DHRS13: variants seen among roughly 807,000 people sequenced by gnomAD.
The protein encoded by DHRS13 is dehydrogenase/reductase 13.
In DHRS13, 22 loss-of-function variants were observed where a neutral mutation model predicts 17.9. That is an observed-to-expected ratio of 1.23 (90% CI 0.88 to 1.75). DHRS13 has a LOEUF of 1.75. DHRS13 is among the 40% of genes most tolerant of loss of function. DHRS13 has a pLI of 0.00. For missense variants in DHRS13, 483 were observed against 519.9 expected (o/e 0.93, Z 0.69); for synonymous variants, 206 against 220.4 (o/e 0.93, Z 0.58).
Position 28,901,506 on chromosome 17 carries a change from G to A in DHRS13, c.357C>T (p.Leu119=), listed in dbSNP as rs1252140623. 1.9e-6 allele frequency: 3 copies of A among 1,614,120 alleles called. No homozygotes were observed. Among genetic ancestry groups the A allele is most frequent in the South Asian group, 1.1e-5 (1 of 91,080 alleles). Residue 119 remains leucine (L), a synonymous_variant, in exon 3 of 5, where the codon CTC becomes CTT. Coordinates refer to ENST00000378895, the MANE Select transcript of DHRS13 (RefSeq NM_144683.4). This position sits in a 1 kb window ranked among gnomAD's most constrained non-coding sequence, Gnocchi z 4.3. ...GCTGCCCCTCACCGGCATTGTGGAT[G>A]AGGATGTCCAACCGTGGCTCAGAGC... ...FLSSEPRLDI[L]IHNAGISSCG... is the part of the protein sequence containing the mutation.
At position 28,898,443 on chromosome 17, in the gene DHRS13, A is replaced by G; in HGVS notation, c.1132T>C (p.Ter378GlnextTer31). The change falls in exon 5 of 5, where the codon TAA becomes CAA. Residue 378 changes from the stop codon to glutamine, a stop_lost. Transcript: ENST00000378895. ...AKVEPEIQLS[*>Q] is the part of the protein sequence containing the mutation. ...TGGCAAGCATCCTGGCCTGAGGGTT[A>G]GGAGAGCTGGATCTCAGGCTCAACT... 1.3e-6 allele frequency: 2 copies of G among 1,554,056 alleles called. No homozygotes were observed. The highest frequency in any genetic ancestry group is 2.4e-5 in the East Asian group (1 of 41,144).
chr17:28,901,374 T>A lies in DHRS13; in HGVS notation c.371-73A>T. ...AGCCTTGGCATCCCTATCTATGAGA[T>A]GGGAGAAGGGGGCATCCTTCCCATG... On this transcript the variant is annotated intron_variant, in intron 3 of 4. Coordinates refer to ENST00000378895, the MANE Select transcript of DHRS13 (RefSeq NM_144683.4). This position sits in a 1 kb window ranked among gnomAD's most constrained non-coding sequence, Gnocchi z 4.3. 6.3e-7 allele frequency: 1 copy of A among 1,583,708 alleles called. No individual in the cohort carries two copies. Among genetic ancestry groups the A allele is most frequent in the Non-Finnish European group, 8.6e-7 (1 of 1,163,364 alleles).
rs183793404 is a variant in DHRS13 at position 28,898,234 on chromosome 17, T to A, written c.*207A>T. On this transcript the variant is annotated 3_prime_UTR_variant, in exon 5 of 5. Transcript: ENST00000378895. ...TGTCTAGCATACCCCTATCTCTCCA[T>A]CTGGGGTTACTGTCACTCTCAGGAA... The A allele has an allele frequency of 6.2e-5, 37 of 592,968 alleles. No homozygotes were observed. In the African/African-American group the frequency reaches 6.7e-4, roughly 11 times the overall value. 36.7% of individuals were successfully genotyped at this position (592,968 alleles called of 1,614,324 possible).
At position 28,898,674 on chromosome 17, in the gene DHRS13, G is replaced by A; in HGVS notation, c.901C>T (p.His301Tyr). 6.2e-7 allele frequency: 1 copy of A among 1,613,602 alleles called. No homozygotes were observed. Reference protein sequence around the residue: ...PPAARDDRAAHRLWEASKRLA... With the variant: ...PPAARDDRAAYRLWEASKRLA... ...CTCTTGCTGGCCTCCCATAGCCGAT[G>A]GGCTGCCCGGTCGTCTCGGGCAGCT... Residue 301 changes from histidine to tyrosine, a missense_variant, in exon 5 of 5, where the codon CAT becomes TAT. His to Tyr is a moderately conservative substitution (Grantham distance 83, BLOSUM62 2). Transcript: ENST00000378895.
At chr17:28,900,332 C>T (rs191525919) in intron 4 of DHRS13, among the ~76,000 whole-genome samples, 1 of 152,338 alleles carries the variant, frequency 6.6e-6, no homozygotes. Context: ...TCCAGCCCCT[C>T]TGCACTTATT....
Position 28,898,578 on chromosome 17 carries a change from G to A in DHRS13, c.997C>T (p.Pro333Ser). 6.2e-7 allele frequency: 1 copy of A among 1,612,234 alleles called. No homozygotes were observed. The highest frequency in any genetic ancestry group is 8.5e-7 in the Non-Finnish European group (1 of 1,179,424). Reference protein sequence around the residue: ...EDPQSEDSEAPSSLSTPHPEE... With the variant: ...EDPQSEDSEASSSLSTPHPEE... ...GGGTGGGGGGTGCTTAGAGAAGATGGGGCCTCTGAGTCCTCAGACTGGGGG... is the reference window on the plus strand; with the variant it reads ...GGGTGGGGGGTGCTTAGAGAAGATGAGGCCTCTGAGTCCTCAGACTGGGGG... The change falls in exon 5 of 5, where the codon CCA becomes TCA. Residue 333 changes from proline (P) to serine (S), a missense_variant. Transcript: ENST00000378895.
At position 28,901,097 on chromosome 17, in the gene DHRS13, T is replaced by A. The variant is rs141594239; in HGVS notation, c.575A>T (p.Gln192Leu). The change falls in exon 4 of 5, where the codon CAG becomes CTG. Residue 192 changes from glutamine to leucine, a missense_variant. Physicochemically the swap from Gln to Leu is moderately radical, Grantham distance 113. Transcript: ENST00000378895. The surrounding 1 kb of genome is among the most constrained non-coding windows in gnomAD (Gnocchi z 4.3). ...RLDRPVVGWR[Q>L]ELRAYADTKL... is the part of the protein sequence containing the mutation. ...AGTGTCAGCATATGCCCGCAGCTCC[T>A]GCCGCCAGCCCACCACTGGGCGGTC... 7.8e-4 allele frequency: 1,263 copies of A among 1,614,168 alleles called. 17 individuals carry two copies. The Admixed American group carries it at 0.02, about 26-fold the overall frequency.
chr17:28,898,873 C>CAGCT lies in DHRS13; in HGVS notation c.698_701dup (p.Phe235AlafsTer87). 1 of 1,591,310 alleles carries CAGCT rather than the reference C, an allele frequency of 6.3e-7. No individual in the cohort carries two copies. Among genetic ancestry groups the CAGCT allele is most frequent in the Non-Finnish European group, 8.6e-7 (1 of 1,168,162 alleles). On this transcript the variant is annotated frameshift_variant, in exon 5 of 5. Coordinates refer to ENST00000378895, the MANE Select transcript of DHRS13 (RefSeq NM_144683.4). LOFTEE classifies it low-confidence loss of function (END_TRUNC). Reference sequence around the variant, plus strand: ...GCCATCCAGGAACATGGCGCAGGAACAGCTCCGAGTTCACAGGCCCTGTAG... The same window carrying CAGCT: ...GCCATCCAGGAACATGGCGCAGGAACAGCTAGCTCCGAGTTCACAGGCCCTGTAG...
In DHRS13 at chr17:28,902,684, C is replaced by G. The variant is rs1370984670; in HGVS notation, c.145G>C (p.Gly49Arg). ...GCCAGCTCCAGCGCCGTCATCTTTC[C>G]GATGCCGCTGTTGGCGCCTGCGGAC... ...AVVTGANSGI[G>R]KMTALELARR... The change falls in exon 2 of 5, where the codon GGA becomes CGA. Residue 49 changes from glycine to arginine, a missense_variant. Transcript: ENST00000378895. The surrounding 1 kb of genome is among the most constrained non-coding windows in gnomAD (Gnocchi z 4.0). 11 of 1,389,856 alleles carry G rather than the reference C, an allele frequency of 7.9e-6. No individual in the cohort carries two copies. Among genetic ancestry groups the G allele is most frequent in the Non-Finnish European group, 1.0e-5 (11 of 1,078,538 alleles). The allele number at this position is 1,389,856 out of a possible 1,614,324, so 86.1% of individuals were successfully genotyped here.
In DHRS13 at chr17:28,902,819, C is replaced by T. The variant is rs987235895; in HGVS notation, c.126G>A (p.Thr42=). The T allele has an allele frequency of 4.6e-6, 7 of 1,537,134 alleles. No homozygotes were observed. In the African/African-American group the frequency reaches 1.0e-4, roughly 22 times the overall value. The change falls in exon 1 of 5, where the codon ACG becomes ACA. Residue 42 remains threonine, a splice_region_variant and synonymous_variant. Transcript: ENST00000378895. This position sits in a 1 kb window ranked among gnomAD's most constrained non-coding sequence, Gnocchi z 4.0. Reference sequence around the variant, plus strand: ...GCACTCACCCGCCTCCGCACTCACCCGTGACCACGGCCGTGCGGCCCCGCA... The same window carrying T: ...GCACTCACCCGCCTCCGCACTCACCTGTGACCACGGCCGTGCGGCCCCGCA... ...GNLRGRTAVV[T]GANSGIGKMT... is the part of the protein sequence containing the mutation.
At position 28,898,834 on chromosome 17, in the gene DHRS13, CA is replaced by C; in HGVS notation, c.740del (p.Leu247CysfsTer90). On this transcript the variant is annotated frameshift_variant, in exon 5 of 5. Coordinates refer to ENST00000378895, the MANE Select transcript of DHRS13 (RefSeq NM_144683.4). LOFTEE classifies it high-confidence loss of function. ...GGAGCACCAGCCAAGCCAATGGGCG[CA>C]AAAGTGGGCGCAGCCATCCAGGAAC... Reference protein sequence around the residue: ...RHVPGWLRPLLRPLAWLVLRA... With the variant: ...RHVPGWLRPLXRPLAWLVLRA... 3 of 1,607,726 alleles carry C rather than the reference CA, an allele frequency of 1.9e-6. No homozygotes were observed. Among genetic ancestry groups the C allele is most frequent in the Non-Finnish European group, 2.5e-6 (3 of 1,176,854 alleles).
chr17:28,900,733 C>A (rs1158773644), intron 4 of DHRS13, among the ~76,000 whole-genome samples: 3 of 152,084 alleles, frequency 2.0e-5, no homozygotes, highest in African/African-American at 7.2e-5. Flanking sequence ...GGGTGGGAAT[C>A]CAGGTCTTAT....
chr17:28,898,052 T>G lies in DHRS13; in HGVS notation c.*389A>C. On this transcript the variant is annotated 3_prime_UTR_variant, in exon 5 of 5. Coordinates refer to ENST00000378895, the MANE Select transcript of DHRS13 (RefSeq NM_144683.4). ...CCGCTTCATTAACATGGGGGTAATT[T>G]AACTACCTAGCTAGACGGTTGCAAA... The G allele has an allele frequency of 4.3e-6, 1 of 232,246 alleles. No individual in the cohort carries two copies. Among genetic ancestry groups the G allele is most frequent in the Non-Finnish European group, 8.3e-6 (1 of 120,068 alleles). The allele number at this position is 232,246 out of a possible 1,614,324, so 14.4% of individuals were successfully genotyped here.
Position 28,901,314 on chromosome 17 carries a change from C to A in DHRS13, c.371-13G>T. ...CAGGAACTGATACCTGGGGCAGAGG[C>A]TAAATGTGAGCGGCTGCTCCAGAAG... On this transcript the variant is annotated splice_polypyrimidine_tract_variant and intron_variant, in intron 3 of 4. Transcript: ENST00000378895. The surrounding 1 kb of genome is among the most constrained non-coding windows in gnomAD (Gnocchi z 4.3). 1 of 1,596,374 alleles carries A rather than the reference C, an allele frequency of 6.3e-7. No individual in the cohort carries two copies. The highest frequency in any genetic ancestry group is 8.5e-7 in the Non-Finnish European group (1 of 1,169,618).
intron 4 of DHRS13, 132 bp downstream of exon 4, chr17:28,900,858 A>G: frequency 3.9e-6 from 4 of 1,038,338 alleles, no homozygotes; most frequent in Admixed American, 2.9e-5. Context: ...TCCTTGGACT[A>G]TGCTTCCTTG....
In DHRS13 at chr17:28,901,790, T is replaced by C. The variant is rs889122922; in HGVS notation, c.247-174A>G. ...ATCCTGACTTTGCCTTTTACTAAAG[T>C]GTGACCTTGGGCAAGATACTTAATC... On this transcript the variant is annotated intron_variant, in intron 2 of 4. Coordinates refer to ENST00000378895, the MANE Select transcript of DHRS13 (RefSeq NM_144683.4). This position sits in a 1 kb window ranked among gnomAD's most constrained non-coding sequence, Gnocchi z 4.3. The C allele has an allele frequency of 2.7e-6, 3 of 1,114,354 alleles. No individual in the cohort carries two copies. The highest frequency in any genetic ancestry group is 1.7e-5 in the South Asian group (1 of 59,864). The allele number at this position is 1,114,354 out of a possible 1,614,324, so 69.0% of individuals were successfully genotyped here. A position where few individuals can be genotyped will look rare whatever the true frequency, so the allele number is the denominator to read the frequency against.
At position 28,902,782 on chromosome 17, in the gene DHRS13, C is replaced by T; in HGVS notation, c.127+36G>A. On this transcript the variant is annotated intron_variant, in intron 1 of 4. Coordinates refer to ENST00000378895, the MANE Select transcript of DHRS13 (RefSeq NM_144683.4). The surrounding 1 kb of genome is among the most constrained non-coding windows in gnomAD (Gnocchi z 4.0). ...GCCGGCCCGGCCTCCTCTCCGCGCG[C>T]CCCGCCAGCTCGCACTCACCCGCCT... 2.0e-6 allele frequency: 3 copies of T among 1,471,976 alleles called. No homozygotes were observed. Among genetic ancestry groups the T allele is most frequent in the Non-Finnish European group, 2.7e-6 (3 of 1,118,260 alleles). 91.2% of individuals were successfully genotyped at this position (1,471,976 alleles called of 1,614,324 possible).
intron 4 of DHRS13, 112 bp downstream of exon 4, chr17:28,900,878 G>T: frequency 8.3e-7 from 1 of 1,205,862 alleles, no homozygotes; most frequent in Non-Finnish European, 1.2e-6. Context: ...GCTGCCCTGA[G>T]ATTCTGTGAC....
rs201933739 is a variant in DHRS13 at position 28,902,885 on chromosome 17, G to A, written c.60C>T (p.Tyr20=). 246 of 1,557,482 alleles carry A rather than the reference G, an allele frequency of 1.6e-4. 1 individual carries two copies. The East Asian group carries it at 6.0e-3, about 38-fold the overall frequency. Residue 20 remains tyrosine (Y), a synonymous_variant, in exon 1 of 5, where the codon TAC becomes TAT. Transcript: ENST00000378895. This position sits in a 1 kb window ranked among gnomAD's most constrained non-coding sequence, Gnocchi z 4.0. ...LLLGAYVLVY[Y]NLVKAPPCGG... ...CGCACGGCGGGGCCTTCACCAGGTT[G>A]TAGTAGACAAGCACGTAAGCGCCCA...
Sources: allele counts gnomAD v4.1 joint callset (sites outside exome capture counted in the v4.1 genomes callset), GRCh38; gene constraint gnomAD v4.1.1; non-coding constraint Gnocchi (gnomAD v3.1); transcripts MANE v1.5; gene names NCBI Gene and HGNC (gene_info 2026-07-23, HGNC 2026-07-21).